PKHD1L1: variants seen among roughly 807,000 people sequenced by gnomAD.
PKHD1L1 encodes the protein PKHD1 like 1.
A neutral mutation model predicts 462.9 loss-of-function variants in PKHD1L1; 434 were observed. That is an observed-to-expected ratio of 0.94 (90% confidence interval 0.87 to 1.02). The LOEUF (loss-of-function observed/expected upper bound fraction) is 1.02. Among genes scored for constraint, PKHD1L1 ranks in the 50% least tolerant of loss-of-function variants. The pLI, the probability that PKHD1L1 is intolerant of heterozygous loss-of-function variation, is 0.00. For missense variants in PKHD1L1, 5,202 were observed against 5,096.1 expected, an observed-to-expected ratio of 1.02 and a Z score of -0.63; for synonymous variants, 1,781 against 1,750.0, an observed-to-expected ratio of 1.02 and a Z score of -0.44.
chr8:109,381,554 TATCAG>T lies in PKHD1L1; in HGVS notation c.308+42_308+46del, dbSNP rs1586392934. 2.8e-6 allele frequency: 4 copies of T among 1,408,882 alleles called. No homozygotes were observed. The East Asian group carries it at 9.9e-5, about 35-fold the overall frequency. 87.3% of individuals were successfully genotyped at this position (1,408,882 alleles called of 1,614,324 possible). Reference sequence around the variant, plus strand: ...ATCTTTAATAAAATCATTTTCATCATATCAGAAGTTACAGTTATGAATATTAGTAT... The same window carrying T: ...ATCTTTAATAAAATCATTTTCATCATAAGTTACAGTTATGAATATTAGTAT... On this transcript the variant is annotated intron_variant, in intron 3 of 77. Coordinates refer to ENST00000378402, the MANE Select transcript of PKHD1L1 (RefSeq NM_177531.6).
At chr8:109,456,226 A>G (rs1270813320) in intron 45 of PKHD1L1, 36 bp from the exon 46 acceptor site, 13 of 1,571,462 alleles carry the variant, frequency 8.3e-6, no homozygotes, top group Non-Finnish European at 1.1e-5. Flanking sequence ...AATCAAACAC[A>G]TGTAAGGAAA....
At chr8:109,502,322 T>G (rs1370696116) in intron 67 of PKHD1L1, among the ~76,000 whole-genome samples, 1 of 152,186 alleles carries the variant, frequency 6.6e-6, no homozygotes, top group African/African-American at 2.4e-5. Context: ...ATAATTCCCT[T>G]GGAACAGGTC....
intron 72 of PKHD1L1, among the ~76,000 whole-genome samples, chr8:109,517,213 G>A (rs534040364): frequency 3.4e-4 from 52 of 152,176 alleles, no homozygotes; most frequent in African/African-American, 1.1e-3. Context: ...CTGAAACAGC[G>A]TTGCTTTTAA....
intron 32 of PKHD1L1, 32 bp from the exon 33 acceptor site, chr8:109,440,678 T>C (rs1457396311): frequency 6.3e-6 from 10 of 1,589,872 alleles, no homozygotes; most frequent in Non-Finnish European, 7.7e-6. Flanking sequence ...AGTAGGAAGC[T>C]CATTGAAAAA....
chr8:109,367,310 A>T (rs759897837), intron 2 of PKHD1L1, among the ~76,000 whole-genome samples: 1 of 152,248 alleles, frequency 6.6e-6, no homozygotes, highest in Admixed American at 6.5e-5. Flanking sequence ...GTACTTATTT[A>T]TCAATTACAC....
At chr8:109,381,587 T>G in intron 3 of PKHD1L1, 73 bp downstream of exon 3, 2 of 1,129,054 alleles carry the variant, frequency 1.8e-6, no homozygotes, top group Non-Finnish European at 2.4e-6. Flanking sequence ...ATTAGTATTA[T>G]AATAGTTTTA....
In PKHD1L1 at chr8:109,433,154, C is replaced by A; in HGVS notation, c.3278C>A (p.Ser1093Tyr). The A allele has an allele frequency of 6.2e-7, 1 of 1,613,588 alleles. No individual in the cohort carries two copies. Among genetic ancestry groups the A allele is most frequent in the Non-Finnish European group, 8.5e-7 (1 of 1,179,668 alleles). The change falls in exon 28 of 78, where the codon TCT (serine) becomes TAT (tyrosine). Residue 1093 changes from serine to tyrosine, a missense_variant. Coordinates refer to ENST00000378402, the MANE Select transcript of PKHD1L1 (RefSeq NM_177531.6). ...CTAACCATAGTGGGTTCTGGATTTT[C>A]TCCTAGTTCAGCTGTAACAGTCTCA... Reference protein sequence around the residue: ...TILTIVGSGFSPSSAVTVSVG... With the variant: ...TILTIVGSGFYPSSAVTVSVG...
intron 21 of PKHD1L1, among the ~76,000 whole-genome samples, chr8:109,417,416 A>T (rs1190136122): frequency 1.3e-5 from 2 of 152,300 alleles, no homozygotes; most frequent in East Asian, 1.9e-4. Context: ...ATTACATTTG[A>T]TGGAGTTCAT....
At chr8:109,394,633 A>G in intron 10 of PKHD1L1, 148 bp downstream of exon 10, 1 of 443,670 alleles carries the variant, frequency 2.3e-6, no homozygotes, top group Non-Finnish European at 3.9e-6. Context: ...TGGGGAGTCT[A>G]ACAGGAAGCT....
At chr8:109,480,388 A>T (rs1409681496) in intron 55 of PKHD1L1, among the ~76,000 whole-genome samples, 1 of 152,048 alleles carries the variant, frequency 6.6e-6, no homozygotes, top group African/African-American at 2.4e-5. Context: ...TCCATTGTGT[A>T]TAGAATATCT....
chr8:109,385,441 C>G lies in PKHD1L1; in HGVS notation c.476-96C>G, dbSNP rs1370577323. ...AAACATGAGGTATAAGTGTCTGGGTCCTGGTTTTATTGGGAAAATCTCTTA... is the reference window on the plus strand; with the variant it reads ...AAACATGAGGTATAAGTGTCTGGGTGCTGGTTTTATTGGGAAAATCTCTTA... On this transcript the variant is annotated intron_variant, in intron 5 of 77. Coordinates refer to ENST00000378402, the MANE Select transcript of PKHD1L1 (RefSeq NM_177531.6). 4.1e-6 allele frequency: 3 copies of G among 723,296 alleles called. No individual in the cohort carries two copies. In the East Asian group the frequency reaches 8.4e-5, roughly 20 times the overall value. 44.8% of individuals were successfully genotyped at this position (723,296 alleles called of 1,614,324 possible).
chr8:109,454,971 T>C lies in PKHD1L1; in HGVS notation c.6874+119T>C, dbSNP rs978581103. On this transcript the variant is annotated intron_variant, in intron 45 of 77. Coordinates refer to ENST00000378402, the MANE Select transcript of PKHD1L1 (RefSeq NM_177531.6). ...ATAAAGTGAAAGTGTGTTAGGCTTC[T>C]CATGTCTTTAGATATCCCCTCTTTA... 11 of 1,307,816 alleles carry C rather than the reference T, an allele frequency of 8.4e-6. 1 individual carries two copies. In the South Asian group the frequency reaches 9.1e-5, roughly 11 times the overall value. 81.0% of individuals were successfully genotyped at this position (1,307,816 alleles called of 1,614,324 possible). A position where few individuals can be genotyped will look rare whatever the true frequency, so the allele number is the denominator to read the frequency against.
At chr8:109,518,057 A>G (rs752749940) in intron 72 of PKHD1L1, 110 bp from the exon 73 acceptor site, 4 of 722,864 alleles carry the variant, frequency 5.5e-6, no homozygotes, top group Non-Finnish European at 8.8e-6. Flanking sequence ...AAAGAATGAT[A>G]AAGTTGAATT....
intron 42 of PKHD1L1, among the ~76,000 whole-genome samples, chr8:109,452,494 T>C (rs1816585433): frequency 6.6e-6 from 1 of 151,846 alleles, no homozygotes. Flanking sequence ...GGGTAATTGG[T>C]AATAGATTTT....
At chr8:109,412,681 A>C (rs1352452848) in intron 20 of PKHD1L1, among the ~76,000 whole-genome samples, 1 of 152,060 alleles carries the variant, frequency 6.6e-6, no homozygotes, top group Non-Finnish European at 1.5e-5. Context: ...ATTTGCACAC[A>C]AGTTTAAATA....
Position 109,400,231 on chromosome 8 carries a change from G to A in PKHD1L1, c.1168G>A (p.Ala390Thr), listed in dbSNP as rs765781185. ...IWLMEQDTFV[A>T]RFSGFLVAPD... Reference sequence around the variant, plus strand: ...GCTCATGGAACAAGACACATTTGTTGCACGCTTTAGTGGATTTTTGGTGGC... The same window carrying A: ...GCTCATGGAACAAGACACATTTGTTACACGCTTTAGTGGATTTTTGGTGGC... Residue 390 changes from alanine (A) to threonine (T), a missense_variant, in exon 13 of 78, where the codon GCA (alanine) becomes ACA (threonine). Ala to Thr is a moderately conservative substitution (Grantham distance 58). Around this residue, in one of 3 missense-constraint regions of PKHD1L1, gnomAD observed 4,497 missense variants for 4,336.8 expected, o/e 1.04. Transcript: ENST00000378402. 1 of 1,613,626 alleles carries A rather than the reference G, an allele frequency of 6.2e-7. No homozygotes were observed. The highest frequency in any genetic ancestry group is 1.7e-5 in the Admixed American group (1 of 59,968).
At chr8:109,423,112 G>A (rs771932770) in intron 23 of PKHD1L1, among the ~76,000 whole-genome samples, 59 of 151,906 alleles carry the variant, frequency 3.9e-4, no homozygotes, top group Non-Finnish European at 7.2e-4. Flanking sequence ...TCTTCATAAG[G>A]TCTTTGACAG....
chr8:109,441,480 AT>A, intron 34 of PKHD1L1, 101 bp downstream of exon 34: 1 of 765,214 alleles, frequency 1.3e-6, no homozygotes, highest in Non-Finnish European at 2.1e-6. Flanking sequence ...GAGACTAAGT[AT>A]TGTTATTTCT....
intron 76 of PKHD1L1, among the ~76,000 whole-genome samples, chr8:109,525,741 C>A (rs531897555): frequency 6.6e-6 from 1 of 152,158 alleles, no homozygotes; most frequent in Admixed American, 6.5e-5. Context: ...TCACCTGCCA[C>A]AAAAATTCAG....
Sources: gnomAD v4.1 joint callset for allele counts (sites outside exome capture counted in the v4.1 genomes callset) on GRCh38, gnomAD v4.1.1 for gene constraint, gnomAD v4.1.1 regional missense constraint, MANE v1.5 for transcripts, NCBI Gene and HGNC (gene_info 2026-07-23, HGNC 2026-07-21) for gene names.